Variants in MYRIP observed in about 807,000 individuals in gnomAD.
MYRIP encodes the protein myosin VIIA and Rab interacting protein, also known as rab effector MyRIP.
In MYRIP, 49 loss-of-function variants were observed where a neutral mutation model predicts 98.0. The observed-to-expected ratio is 0.50, with a 90% CI of 0.40 to 0.63. The LOEUF (loss-of-function observed/expected upper bound fraction) is 0.63. MYRIP is among the 30% of genes least tolerant of loss of function. MYRIP has a pLI of 0.00. For missense variants in MYRIP, 1,004 were observed against 1,058.2 expected (o/e 0.95, Z 0.71); for synonymous variants, 404 against 409.5 (o/e 0.99, Z 0.16).
chr3:40,002,535 A>G (rs968300078), intron 2 of MYRIP, among the ~76,000 whole-genome samples: 2 of 142,884 alleles, frequency 1.4e-5, no homozygotes, highest in Admixed American at 7.0e-5. Context: ...GACTCTGTCT[A>G]AAAAAAAAAA....
At chr3:40,160,859 G>A (rs1235641397) in intron 4 of MYRIP, among the ~76,000 whole-genome samples, 1 of 152,152 alleles carries the variant, frequency 6.6e-6, no homozygotes, top group Non-Finnish European at 1.5e-5. Context: ...CCCTGCTTCG[G>A]TTCGCACACG....
At chr3:39,926,624 A>G (rs907328123) in intron 2 of MYRIP, among the ~76,000 whole-genome samples, 3 of 151,880 alleles carry the variant, frequency 2.0e-5, no homozygotes, top group African/African-American at 7.2e-5. Flanking sequence ...TGTCAACTTT[A>G]TCAGAGATCA....
At chr3:40,144,227 TC>T (rs1345909772) in intron 3 of MYRIP, among the ~76,000 whole-genome samples, 1 of 152,156 alleles carries the variant, frequency 6.6e-6, no homozygotes, top group African/African-American at 2.4e-5. Flanking sequence ...ATCCTGCCCC[TC>T]CCCACTGTCA....
intron 2 of MYRIP, among the ~76,000 whole-genome samples, chr3:40,015,637 C>T (rs900706927): frequency 6.6e-6 from 1 of 152,228 alleles, no homozygotes; most frequent in African/African-American, 2.4e-5. Context: ...GCCTGGTAAG[C>T]TCCTTAGCCA....
rs1168240140 is a variant in MYRIP at position 39,943,821 on chromosome 3, G to A, written c.110+42895G>A. Among the ~76,000 whole-genome samples the A allele has an allele frequency of 4.6e-5, 7 of 152,118 alleles. No homozygotes were observed. In the East Asian group the frequency reaches 5.8e-4, roughly 13 times the overall value. ...ATTATGTTGCAGTTTGTATTTAAGC[G>A]GACTTTGTAGAGACACTCAAACTTA... is the stretch of plus-strand genomic sequence containing the variant. On this transcript the variant is annotated intron_variant, in intron 2 of 16. Transcript: ENST00000302541.
chr3:39,821,210 T>C (rs1355046926), intron 1 of MYRIP, among the ~76,000 whole-genome samples: 2 of 152,160 alleles, frequency 1.3e-5, no homozygotes, highest in African/African-American at 4.8e-5. Flanking sequence ...CAAGAGCACC[T>C]GAAGGTGAGA....
intron 2 of MYRIP, among the ~76,000 whole-genome samples, chr3:40,014,943 C>T (rs1475920618): frequency 6.6e-6 from 1 of 152,188 alleles, no homozygotes; most frequent in East Asian, 1.9e-4. Flanking sequence ...TGCTCCCCAA[C>T]ATACCCTGGT....
intron 2 of MYRIP, among the ~76,000 whole-genome samples, chr3:40,013,062 G>A (rs549373276): frequency 9.9e-5 from 15 of 152,172 alleles, no homozygotes; most frequent in South Asian, 2.1e-4. Context: ...ATTTCTTGCC[G>A]ACACTGTTGC....
At chr3:39,972,789 T>A (rs1945622864) in intron 2 of MYRIP, among the ~76,000 whole-genome samples, 1 of 151,854 alleles carries the variant, frequency 6.6e-6, no homozygotes, top group Non-Finnish European at 1.5e-5. Context: ...AATGAGAGAA[T>A]GGGTCCTTCT....
chr3:39,912,994 T>G, intron 2 of MYRIP, among the ~76,000 whole-genome samples: 1 of 152,262 alleles, frequency 6.6e-6, no homozygotes, highest in South Asian at 2.1e-4. Context: ...AAGCTGAGAT[T>G]GCACCACTGC....
At chr3:40,218,629 T>TATATA (rs1952223086) in intron 11 of MYRIP, among the ~76,000 whole-genome samples, 4 of 22,700 alleles carry the variant, frequency 1.8e-4, no homozygotes, top group African/African-American at 2.6e-4. Context: ...TATATATATA[T>TATATA]ATATATATAT....
Position 40,160,067 on chromosome 3 carries a change from C to T in MYRIP, c.470-2663C>T, listed in dbSNP as rs1252107636. Among the ~76,000 whole-genome samples the T allele has an allele frequency of 4.9e-4, 74 of 152,292 alleles. No homozygotes were observed. The South Asian group carries it at 0.011, about 23-fold the overall frequency. The stretch of plus-strand genomic sequence containing the variant: ...CTGTGTTCCTTTGGAGGAGGAGAGG[C>T]GCTCTGCTTTTTAGAGTTTCCAGTT... On this transcript the variant is annotated intron_variant, in intron 4 of 16. Transcript: ENST00000302541.
intron 2 of MYRIP, among the ~76,000 whole-genome samples, chr3:39,948,971 A>G (rs185673114): frequency 2.9e-4 from 44 of 152,316 alleles, no homozygotes; most frequent in African/African-American, 1.0e-3. Flanking sequence ...CAACAGAGCA[A>G]TAATACCTTA....
chr3:40,054,322 T>G (rs1947844032), intron 3 of MYRIP, among the ~76,000 whole-genome samples: 1 of 152,162 alleles, frequency 6.6e-6, no homozygotes, highest in Non-Finnish European at 1.5e-5. Context: ...AAATCTGTAA[T>G]GTCCACAATA....
chr3:40,215,674 ATAACT>A (rs1246562357), intron 11 of MYRIP, among the ~76,000 whole-genome samples: 1 of 152,238 alleles, frequency 6.6e-6, no homozygotes, highest in African/African-American at 2.4e-5. Flanking sequence ...CGTTCATAAA[ATAACT>A]TAACCATTCA....
chr3:39,816,604 A>T (rs2125566714), intron 1 of MYRIP, among the ~76,000 whole-genome samples: 1 of 152,312 alleles, frequency 6.6e-6, no homozygotes, highest in Non-Finnish European at 1.5e-5. Flanking sequence ...ATAAATTATC[A>T]AAGAGCGTTG....
chr3:40,249,606 T>C (rs1022445329), intron 13 of MYRIP, among the ~76,000 whole-genome samples: 1 of 152,200 alleles, frequency 6.6e-6, no homozygotes, highest in Admixed American at 6.5e-5. Context: ...GGGCACTAAG[T>C]GGGTTCTTAC....
intron 3 of MYRIP, among the ~76,000 whole-genome samples, chr3:40,118,400 T>C (rs1486845129): frequency 1.3e-5 from 2 of 152,162 alleles, no homozygotes; most frequent in Admixed American, 6.5e-5. Context: ...GGTGTAAAGA[T>C]CATTCCCTGA....
intron 2 of MYRIP, among the ~76,000 whole-genome samples, chr3:39,915,215 T>A (rs560864631): frequency 1.3e-5 from 2 of 152,210 alleles, no homozygotes; most frequent in East Asian, 3.9e-4. Context: ...TCCATTATAC[T>A]TATTATCCCC....
Sources: allele counts gnomAD v4.1 joint callset (sites outside exome capture counted in the v4.1 genomes callset), GRCh38; gene constraint gnomAD v4.1.1; transcripts MANE v1.5; gene names NCBI Gene and HGNC (gene_info 2026-07-23, HGNC 2026-07-21).